Variants in TTLL11 observed in about 807,000 individuals in gnomAD.
TTLL11 encodes tubulin tyrosine ligase like 11.
In TTLL11, 42 loss-of-function variants were observed where a neutral mutation model predicts 51.7. The ratio of observed to expected loss-of-function variants is 0.81; its 90% CI spans 0.64 to 1.05. The LOEUF (loss-of-function observed/expected upper bound fraction) is 1.05, where lower values mean the gene tolerates loss of function less well. Among genes scored for constraint, TTLL11 ranks in the 50% least tolerant of loss-of-function variants. The pLI is 0.00. For missense variants in TTLL11, 799 were observed against 940.4 expected (o/e 0.85, Z 1.97); for synonymous variants, 381 against 383.5 (o/e 0.99, Z 0.08).
intron 6 of TTLL11, among the ~76,000 whole-genome samples, chr9:121,872,078 G>A (rs1838378708): frequency 6.6e-6 from 1 of 152,228 alleles, no homozygotes; most frequent in Admixed American, 6.5e-5. Flanking sequence ...ACTGAGACGT[G>A]CTGCTGTTAA....
chr9:121,839,150 A>G (rs1837278217), intron 8 of TTLL11, among the ~76,000 whole-genome samples: 1 of 152,194 alleles, frequency 6.6e-6, no homozygotes, highest in Non-Finnish European at 1.5e-5. Context: ...TGTCCTCCTC[A>G]TTAAAACTTA....
At chr9:121,887,961 C>T (rs374202209) in intron 6 of TTLL11, among the ~76,000 whole-genome samples, 24 of 152,254 alleles carry the variant, frequency 1.6e-4, no homozygotes, top group East Asian at 5.8e-4. Flanking sequence ...TTCCTGGCCC[C>T]GGGAGCCCAG....
At chr9:122,018,585 T>C (rs10985484) in intron 3 of TTLL11, among the ~76,000 whole-genome samples, 55,790 of 151,974 alleles carry the variant, frequency 0.37, 11,464 homozygotes, top group African/African-American at 0.55. Flanking sequence ...ATCACTTTCA[T>C]ATTCAAGAGA....
intron 6 of TTLL11, among the ~76,000 whole-genome samples, chr9:121,948,937 C>T (rs1003017989): frequency 2.6e-5 from 4 of 152,140 alleles, no homozygotes; most frequent in Non-Finnish European, 2.9e-5. Context: ...TGTGTCCTCC[C>T]TAGTCATAGG....
chr9:122,083,480 A>G (rs953568756), intron 1 of TTLL11, among the ~76,000 whole-genome samples: 1 of 152,200 alleles, frequency 6.6e-6, no homozygotes, highest in Non-Finnish European at 1.5e-5. Flanking sequence ...GGTTCTTACC[A>G]TAGCACAATT....
At chr9:121,948,157 C>A (rs1841736031) in intron 6 of TTLL11, among the ~76,000 whole-genome samples, 1 of 152,010 alleles carries the variant, frequency 6.6e-6, no homozygotes, top group Admixed American at 6.6e-5. Flanking sequence ...TCCAATCATC[C>A]CTATTTTACA....
At chr9:121,972,536 T>G (rs1842604914) in intron 6 of TTLL11, among the ~76,000 whole-genome samples, 1 of 152,248 alleles carries the variant, frequency 6.6e-6, no homozygotes, top group Non-Finnish European at 1.5e-5. Flanking sequence ...AGCCGAGTCT[T>G]GCCAACAATG....
At chr9:121,845,137 C>A (rs567125073) in intron 8 of TTLL11, among the ~76,000 whole-genome samples, 4 of 152,188 alleles carry the variant, frequency 2.6e-5, no homozygotes, top group African/African-American at 7.2e-5. Context: ...AAAAATAATA[C>A]CTTACCTATA....
intron 8 of TTLL11, among the ~76,000 whole-genome samples, chr9:121,830,129 G>A (rs1254122382): frequency 6.6e-6 from 1 of 152,196 alleles, no homozygotes; most frequent in African/African-American, 2.4e-5. Context: ...GTCGTGTGAT[G>A]CAGGTGTTAT....
chr9:121,952,455 A>AAC (rs1284818897), intron 6 of TTLL11, among the ~76,000 whole-genome samples: 1 of 151,826 alleles, frequency 6.6e-6, no homozygotes, highest in Non-Finnish European at 1.5e-5. Context: ...AAAAAAAAAA[A>AAC]AAAAAAAACT....
At chr9:122,063,629 G>A (rs1845494228) in intron 1 of TTLL11, among the ~76,000 whole-genome samples, 1 of 152,124 alleles carries the variant, frequency 6.6e-6, no homozygotes, top group Non-Finnish European at 1.5e-5. Flanking sequence ...TTTCTTAAAG[G>A]CAATTTTAAC....
In TTLL11 at chr9:121,818,964, G is replaced by C. The variant is rs1380601589; in HGVS notation, c.*3623C>G. 1 of 152,594 alleles carries C rather than the reference G, an allele frequency of 6.6e-6. No individual in the cohort carries two copies. Among genetic ancestry groups the C allele is most frequent in the African/African-American group, 2.4e-5 (1 of 41,424 alleles). The allele number at this position is 152,594 out of a possible 1,614,324, so 9.5% of individuals were successfully genotyped here. On this transcript the variant is annotated 3_prime_UTR_variant, in exon 9 of 9. Coordinates refer to ENST00000321582, the MANE Select transcript of TTLL11 (RefSeq NM_001139442.2). ...TTCCTTCCAGACCTATGGAGATGGA[G>C]GGTAGGGTGGAGGGGTGAGAGGCAG... is the stretch of plus-strand genomic sequence containing the variant.
intron 1 of TTLL11, among the ~76,000 whole-genome samples, chr9:122,076,560 T>C (rs1392661627): frequency 6.6e-6 from 1 of 152,124 alleles, no homozygotes; most frequent in Admixed American, 6.5e-5. Context: ...CCTACACCTA[T>C]AACCAAAAGA....
In TTLL11 at chr9:122,013,830, T is replaced by C. The variant is rs145491648; in HGVS notation, c.693+17893A>G. On this transcript the variant is annotated intron_variant, in intron 3 of 8. Coordinates refer to ENST00000321582, the MANE Select transcript of TTLL11 (RefSeq NM_001139442.2). ...ATGATGATGGATTACATAAAGCCCT[T>C]TGTGCTCCAACTGAAACCCTGGCAG... Among the ~76,000 whole-genome samples the C allele has an allele frequency of 1.6e-3, 237 of 152,288 alleles. 1 individual carries two copies. The highest frequency in any genetic ancestry group is 5.4e-3 in the African/African-American group (224 of 41,546).
chr9:121,996,418 C>T (rs1372597689), intron 3 of TTLL11, among the ~76,000 whole-genome samples: 1 of 152,168 alleles, frequency 6.6e-6, no homozygotes, highest in African/African-American at 2.4e-5. Context: ...TCTTCATGAC[C>T]AGCCCTTTGA....
intron 8 of TTLL11, among the ~76,000 whole-genome samples, chr9:121,834,355 G>C (rs1440869581): frequency 1.3e-5 from 2 of 152,154 alleles, no homozygotes; most frequent in African/African-American, 4.8e-5. Flanking sequence ...CATGAATAGG[G>C]ACAGGGACTC....
chr9:122,030,354 T>C (rs1844501276), intron 3 of TTLL11, among the ~76,000 whole-genome samples: 2 of 152,176 alleles, frequency 1.3e-5, no homozygotes, highest in Non-Finnish European at 2.9e-5. Context: ...GTGACCACCA[T>C]CTCAGAGAAA....
intron 6 of TTLL11, among the ~76,000 whole-genome samples, chr9:121,911,370 C>A (rs921653217): frequency 1.3e-5 from 2 of 152,118 alleles, no homozygotes; most frequent in Admixed American, 6.5e-5. Flanking sequence ...GCACTCCAGC[C>A]TGGGAAACAG....
chr9:121,989,066 C>T lies in TTLL11; in HGVS notation c.1269+129G>A. 1 of 1,512,448 alleles carries T rather than the reference C, an allele frequency of 6.6e-7. No individual in the cohort carries two copies. Among genetic ancestry groups the T allele is most frequent in the Non-Finnish European group, 8.8e-7 (1 of 1,130,668 alleles). 93.7% of individuals were successfully genotyped at this position (1,512,448 alleles called of 1,614,324 possible). A position where few individuals can be genotyped will look rare whatever the true frequency, so the allele number is the denominator to read the frequency against. On this transcript the variant is annotated intron_variant, in intron 4 of 8. Coordinates refer to ENST00000321582, the MANE Select transcript of TTLL11 (RefSeq NM_001139442.2). This position sits in a 1 kb window ranked among gnomAD's most constrained non-coding sequence, Gnocchi z 4.2. ...TTGGGCCCAGGTTTAACACCCAAGC[C>T]CACAGCACCACCAACACTGTCCCCT... is the stretch of plus-strand genomic sequence containing the variant.
Sources: gnomAD v4.1 joint callset for allele counts (sites outside exome capture counted in the v4.1 genomes callset) on GRCh38, gnomAD v4.1.1 for gene constraint, Gnocchi (gnomAD v3.1) non-coding constraint, MANE v1.5 for transcripts, NCBI Gene and HGNC (gene_info 2026-07-23, HGNC 2026-07-21) for gene names.